The following METAP1D variants were observed in gnomAD, a reference collection of about 807,000 sequenced individuals.
The protein encoded by METAP1D is methionyl aminopeptidase type 1D, mitochondrial.
A neutral mutation model predicts 40.5 loss-of-function variants in METAP1D; 31 were observed. The observed-to-expected ratio is 0.77, with a 90% CI of 0.58 to 1.03. The LOEUF is 1.03. METAP1D is among the 50% of genes least tolerant of loss of function. METAP1D has a pLI of 0.00. For missense variants in METAP1D, 411 were observed against 420.7 expected, an observed-to-expected ratio of 0.98 and a Z score of 0.20; for synonymous variants, 151 against 146.4, an observed-to-expected ratio of 1.03 and a Z score of -0.22.
intron 1 of METAP1D, among the ~76,000 whole-genome samples, chr2:172,050,316 C>T (rs1026260648): frequency 1.4e-4 from 22 of 152,108 alleles, no homozygotes; most frequent in Non-Finnish European, 2.8e-4. Flanking sequence ...CTCATATCTT[C>T]TGTTATTGGG....
intron 6 of METAP1D, among the ~76,000 whole-genome samples, chr2:172,076,534 C>T (rs1690549841): frequency 6.6e-6 from 1 of 152,216 alleles, no homozygotes; most frequent in Non-Finnish European, 1.5e-5. Flanking sequence ...CGTTCCTGTC[C>T]TCAACATATG....
chr2:172,049,429 T>G (rs1401104675), intron 1 of METAP1D, among the ~76,000 whole-genome samples: 2 of 151,404 alleles, frequency 1.3e-5, no homozygotes, highest in Non-Finnish European at 2.9e-5. Flanking sequence ...TTATGTTTAC[T>G]TATATACATA....
chr2:172,040,851 A>G (rs1296758165), intron 1 of METAP1D, among the ~76,000 whole-genome samples: 1 of 148,176 alleles, frequency 6.7e-6, no homozygotes, highest in East Asian at 2.0e-4. Flanking sequence ...GGTTCAAGCA[A>G]TTTTCCTGCC....
chr2:172,017,635 G>A (rs1688906511), intron 1 of METAP1D, among the ~76,000 whole-genome samples: 1 of 151,512 alleles, frequency 6.6e-6, no homozygotes, highest in South Asian at 2.1e-4. Flanking sequence ...TTCATGGATA[G>A]TCTTCAAAGA....
At chr2:172,039,797 G>GA (rs1689473702) in intron 1 of METAP1D, among the ~76,000 whole-genome samples, 1 of 151,540 alleles carries the variant, frequency 6.6e-6, no homozygotes, top group Admixed American at 6.6e-5. Context: ...AGCCTCCTGA[G>GA]TAGCTGGGAT....
intron 6 of METAP1D, among the ~76,000 whole-genome samples, chr2:172,071,882 A>G (rs1029253559): frequency 1.3e-5 from 2 of 152,202 alleles, no homozygotes; most frequent in Non-Finnish European, 2.9e-5. Flanking sequence ...AGGCTTAGTC[A>G]CCTTGAAAAG....
chr2:172,048,489 T>C (rs1689809304), intron 1 of METAP1D, among the ~76,000 whole-genome samples: 1 of 152,238 alleles, frequency 6.6e-6, no homozygotes, highest in Non-Finnish European at 1.5e-5. Context: ...CTAACTTGTT[T>C]AAGTAAACCA....
intron 1 of METAP1D, among the ~76,000 whole-genome samples, chr2:172,005,520 T>TTTTATATATATATA (rs1267182910): frequency 1.3e-4 from 14 of 110,940 alleles, no homozygotes; most frequent in African/African-American, 3.8e-4. Flanking sequence ...TGTCTGTATT[T>TTTTATATATATATA]TATATATATA....
At chr2:172,029,020 T>C (rs968718425) in intron 1 of METAP1D, among the ~76,000 whole-genome samples, 3 of 152,210 alleles carry the variant, frequency 2.0e-5, no homozygotes, top group Non-Finnish European at 2.9e-5. Context: ...TCAGTAGACA[T>C]GCATGGTCAA....
intron 3 of METAP1D, 109 bp downstream of exon 3, chr2:172,063,969 A>C (rs1279488045): frequency 4.7e-6 from 6 of 1,270,562 alleles, no homozygotes; most frequent in Non-Finnish European, 6.1e-6. Context: ...TTTGTTTTAA[A>C]AATTTATTTG....
In METAP1D at chr2:172,082,428, A is replaced by G. The variant is rs1200504329; in HGVS notation, c.*2022A>G. The stretch of plus-strand genomic sequence containing the variant: ...TTCCATTTATTAAAGGGACTAACCT[A>G]AAGTGTGTGGGTGTATATATATATG... On this transcript the variant is annotated 3_prime_UTR_variant, in exon 10 of 10. Transcript: ENST00000315796. 1.3e-5 allele frequency: 2 copies of G among 152,252 alleles called. No homozygotes were observed. Among genetic ancestry groups the G allele is most frequent in the East Asian group, 3.8e-4 (2 of 5,204 alleles). 9.4% of individuals were successfully genotyped at this position (152,252 alleles called of 1,614,324 possible). A position where few individuals can be genotyped will look rare whatever the true frequency, so the allele number is the denominator to read the frequency against.
chr2:172,029,410 C>A (rs980131321), intron 1 of METAP1D, among the ~76,000 whole-genome samples: 2 of 152,106 alleles, frequency 1.3e-5, no homozygotes, highest in Admixed American at 6.6e-5. Flanking sequence ...GGGATAGAGC[C>A]AAACCTTGTC....
intron 1 of METAP1D, among the ~76,000 whole-genome samples, chr2:172,020,731 A>G (rs1021087074): frequency 6.6e-6 from 1 of 152,194 alleles, no homozygotes; most frequent in East Asian, 1.9e-4. Context: ...AGAAAATAGA[A>G]CATTTAGGGG....
At chr2:172,062,280 T>C (rs575037555) in intron 2 of METAP1D, among the ~76,000 whole-genome samples, 269 of 152,328 alleles carry the variant, frequency 1.8e-3, no homozygotes, top group African/African-American at 5.7e-3. Flanking sequence ...AATCATCTGC[T>C]TTCTCCCTTT....
intron 1 of METAP1D, among the ~76,000 whole-genome samples, chr2:172,008,768 A>G (rs918891373): frequency 2.0e-5 from 3 of 151,970 alleles, no homozygotes; most frequent in Admixed American, 6.6e-5. Flanking sequence ...TGCTTACGTG[A>G]TGAAGTGAGG....
intron 1 of METAP1D, among the ~76,000 whole-genome samples, chr2:172,057,898 G>C (rs560557933): frequency 6.6e-6 from 1 of 151,860 alleles, no homozygotes; most frequent in Non-Finnish European, 1.5e-5. Flanking sequence ...CTATACTGGA[G>C]GTCATGTTTT....
intron 1 of METAP1D, among the ~76,000 whole-genome samples, chr2:172,025,862 T>C (rs1689109976): frequency 6.6e-6 from 1 of 152,194 alleles, no homozygotes; most frequent in African/African-American, 2.4e-5. Flanking sequence ...CACCCTTTCC[T>C]GCATCCCTCC....
rs757644155 is a variant in METAP1D at position 172,081,243 on chromosome 2, C to T, written c.*837C>T. On this transcript the variant is annotated 3_prime_UTR_variant, in exon 10 of 10. Coordinates refer to ENST00000315796, the MANE Select transcript of METAP1D (RefSeq NM_199227.3). The stretch of plus-strand genomic sequence containing the variant: ...GGAATTCGAGCTTGGGCCCCACTCG[C>T]CCAGGTGTGAACAGTGGCTGATTAG... 1 of 152,122 alleles carries T rather than the reference C, an allele frequency of 6.6e-6. No homozygotes were observed. Among genetic ancestry groups the T allele is most frequent in the Non-Finnish European group, 1.5e-5 (1 of 68,126 alleles). The allele number at this position is 152,122 out of a possible 1,614,324, so 9.4% of individuals were successfully genotyped here. A position where few individuals can be genotyped will look rare whatever the true frequency, so the allele number is the denominator to read the frequency against.
chr2:172,032,658 C>T (rs1689265400), intron 1 of METAP1D, among the ~76,000 whole-genome samples: 1 of 152,220 alleles, frequency 6.6e-6, no homozygotes, highest in South Asian at 2.1e-4. Context: ...ATTTGGCAAA[C>T]CCCTCGTGAA....
Sources: allele counts gnomAD v4.1 joint callset (sites outside exome capture counted in the v4.1 genomes callset), GRCh38; gene constraint gnomAD v4.1.1; transcripts MANE v1.5; gene names NCBI Gene and HGNC (gene_info 2026-07-23, HGNC 2026-07-21).